Variants in KRCC1 observed in about 807,000 individuals in gnomAD.
The protein encoded by KRCC1 is lysine-rich coiled-coil protein 1.
KRCC1 carries 3 observed loss-of-function variants against 7.4 expected under a neutral mutation model. The ratio of observed to expected loss-of-function variants is 0.40; its 90% CI spans 0.18 to 1.04. The LOEUF (loss-of-function observed/expected upper bound fraction) is 1.04, where lower values mean the gene tolerates loss of function less well. KRCC1 is among the 50% of genes least tolerant of loss of function. The pLI is 0.33. For missense variants in KRCC1, 277 were observed against 300.9 expected, an observed-to-expected ratio of 0.92 and a Z score of 0.59; for synonymous variants, 102 against 101.6, an observed-to-expected ratio of 1.00 and a Z score of -0.02.
intron 1 of KRCC1, among the ~76,000 whole-genome samples, chr2:88,042,520 T>C (rs1381141629): frequency 6.7e-6 from 1 of 150,152 alleles, no homozygotes; most frequent in Non-Finnish European, 1.5e-5. Flanking sequence ...CGGGCTCAAG[T>C]GATCCTCTCG....
chr2:88,050,284 T>C (rs1558837331), intron 1 of KRCC1, among the ~76,000 whole-genome samples: 1 of 152,182 alleles, frequency 6.6e-6, no homozygotes, highest in East Asian at 1.9e-4. Context: ...TAGCCAGAAA[T>C]GTCCTTCACT....
At chr2:88,053,012 GATTTCAAC>G (rs1673530858) in intron 1 of KRCC1, among the ~76,000 whole-genome samples, 1 of 151,950 alleles carries the variant, frequency 6.6e-6, no homozygotes, top group Non-Finnish European at 1.5e-5. Flanking sequence ...CATCTTTCAG[GATTTCAAC>G]ATTCAGGATT....
At chr2:88,052,067 T>C (rs1207834201) in intron 1 of KRCC1, among the ~76,000 whole-genome samples, 1 of 152,262 alleles carries the variant, frequency 6.6e-6, no homozygotes, top group Admixed American at 6.5e-5. Flanking sequence ...ATCCCAAATG[T>C]TGAAATCCCA....
intron 1 of KRCC1, 92 bp from the exon 2 acceptor site, chr2:88,037,143 C>CAAAA (rs1405574155): frequency 3.9e-5 from 6 of 152,136 alleles, no homozygotes; most frequent in Non-Finnish European, 8.8e-5. Context: ...TATACCATCT[C>CAAAA]AAATCTTAAT....
intron 1 of KRCC1, among the ~76,000 whole-genome samples, chr2:88,054,490 G>A (rs1673568193): frequency 6.6e-6 from 1 of 152,158 alleles, no homozygotes; most frequent in African/African-American, 2.4e-5. Flanking sequence ...GCTCTGAAAT[G>A]TAACCAGGAA....
chr2:88,039,758 A>G (rs980827286), intron 1 of KRCC1, among the ~76,000 whole-genome samples: 2 of 152,038 alleles, frequency 1.3e-5, no homozygotes, highest in South Asian at 2.1e-4. Context: ...ACTTAATTAC[A>G]TTTGACTCTA....
At chr2:88,044,825 T>C (rs1051990525) in intron 1 of KRCC1, among the ~76,000 whole-genome samples, 5 of 151,710 alleles carry the variant, frequency 3.3e-5, no homozygotes, top group African/African-American at 1.2e-4. Context: ...CTGGCTAAAA[T>C]GTCAAATGGT....
At chr2:88,053,683 G>A (rs1673549266) in intron 1 of KRCC1, among the ~76,000 whole-genome samples, 1 of 152,170 alleles carries the variant, frequency 6.6e-6, no homozygotes, top group East Asian at 1.9e-4. Context: ...TTACAAAAAT[G>A]TTTTAAGAAA....
chr2:88,041,240 G>A (rs996390789), intron 1 of KRCC1, among the ~76,000 whole-genome samples: 4 of 152,182 alleles, frequency 2.6e-5, no homozygotes, highest in African/African-American at 4.8e-5. Flanking sequence ...GCAGATAGAC[G>A]GGAGAGTGGG....
intron 3 of KRCC1, among the ~76,000 whole-genome samples, chr2:88,029,534 T>C (rs1490735724): frequency 1.3e-5 from 2 of 152,102 alleles, no homozygotes; most frequent in East Asian, 3.9e-4. Context: ...TTGGATTTCA[T>C]TCCACTACTT....
At chr2:88,046,681 G>T (rs1173088268) in intron 1 of KRCC1, among the ~76,000 whole-genome samples, 3 of 152,032 alleles carry the variant, frequency 2.0e-5, no homozygotes, top group African/African-American at 4.8e-5. Flanking sequence ...TTTCTGTTTG[G>T]TTTTTTTGAG....
At chr2:88,051,993 A>G (rs1297145191) in intron 1 of KRCC1, among the ~76,000 whole-genome samples, 1 of 152,254 alleles carries the variant, frequency 6.6e-6, no homozygotes, top group Non-Finnish European at 1.5e-5. Flanking sequence ...TCTCTGGCCT[A>G]TGCCAAGTAG....
At chr2:88,042,003 A>C (rs1673221036) in intron 1 of KRCC1, among the ~76,000 whole-genome samples, 1 of 147,820 alleles carries the variant, frequency 6.8e-6, no homozygotes, top group African/African-American at 2.5e-5. Context: ...TGACTGAATT[A>C]TTTTTCTAAA....
intron 1 of KRCC1, among the ~76,000 whole-genome samples, chr2:88,043,970 C>T (rs924549924): frequency 6.6e-6 from 1 of 152,142 alleles, no homozygotes; most frequent in Non-Finnish European, 1.5e-5. Flanking sequence ...CCACTGCGCC[C>T]GGCCTCACGT....
intron 3 of KRCC1, among the ~76,000 whole-genome samples, chr2:88,029,234 G>A (rs1437830531): frequency 6.6e-6 from 1 of 152,120 alleles, no homozygotes; most frequent in African/African-American, 2.4e-5. Flanking sequence ...TGATATTAAT[G>A]TTCAATTAAT....
intron 1 of KRCC1, among the ~76,000 whole-genome samples, chr2:88,055,063 T>C (rs528710690): frequency 2.0e-5 from 3 of 151,918 alleles, no homozygotes; most frequent in African/African-American, 2.4e-5. Flanking sequence ...GGCCATATCC[T>C]CAAAAGCCTA....
At chr2:88,055,041 C>G (rs1372570694) in intron 1 of KRCC1, among the ~76,000 whole-genome samples, 1 of 151,980 alleles carries the variant, frequency 6.6e-6, no homozygotes, top group African/African-American at 2.4e-5. Context: ...ATCTTAGAAG[C>G]TTGTCTTATA....
chr2:88,039,690 AATAT>A (rs199781239), intron 1 of KRCC1, among the ~76,000 whole-genome samples: 2 of 151,588 alleles, frequency 1.3e-5, no homozygotes, highest in Admixed American at 1.3e-4. Flanking sequence ...TGTCTCAGAA[AATAT>A]ATATATATTA....
At chr2:88,028,808 G>A (rs185656116) in intron 3 of KRCC1, among the ~76,000 whole-genome samples, 131 of 151,802 alleles carry the variant, frequency 8.6e-4, no homozygotes, top group Middle Eastern at 3.4e-3. Context: ...GTGCCACCAC[G>A]CCCAGCTAAT....
Sources: allele counts gnomAD v4.1 joint callset (sites outside exome capture counted in the v4.1 genomes callset), GRCh38; gene constraint gnomAD v4.1.1; transcripts MANE v1.5; gene names NCBI Gene and HGNC (gene_info 2026-07-23, HGNC 2026-07-21).